The following TNS1 variants were observed in gnomAD, a reference collection of about 807,000 sequenced individuals.
The protein encoded by TNS1 is tensin 1, also known as tensin-1.
TNS1 carries 62 observed loss-of-function variants against 168.6 expected under a neutral mutation model. The observed-to-expected ratio is 0.37, with a 90% CI of 0.30 to 0.45. TNS1 has a LOEUF of 0.45. TNS1 is among the 20% of genes least tolerant of loss of function. The probability of loss-of-function intolerance (pLI) is 1.00; values close to 1 mark genes in which losing one functional copy is unlikely to be tolerated. For synonymous variants in TNS1, 934 were observed against 933.2 expected (o/e 1.00, Z -0.02); for missense variants, 2,240 against 2,339.4 (o/e 0.96, Z 0.88).
At chr2:218,003,814 T>C (rs1157226419), upstream of TNS1, among the ~76,000 whole-genome samples, 1 of 123,846 alleles carries the variant, frequency 8.1e-6, no homozygotes, top group Non-Finnish European at 1.7e-5. Flanking sequence ...CTGGGCCCAG[T>C]TCTCCCCTCC....
chr2:217,893,163 A>G (rs1951908012), intron 10 of TNS1, 151 bp from the exon 11 acceptor site: 1 of 1,065,174 alleles, frequency 9.4e-7, no homozygotes, highest in Non-Finnish European at 1.3e-6. Context: ...GCCTCAGGGG[A>G]GGGAGGCAGG....
At chr2:217,933,179 C>G (rs1473112180) in intron 3 of TNS1, among the ~76,000 whole-genome samples, 1 of 152,204 alleles carries the variant, frequency 6.6e-6, no homozygotes, top group African/African-American at 2.4e-5. Flanking sequence ...GTAATGCTTC[C>G]TTGCTCCCAG....
chr2:217,869,063 TG>T (rs1949538821), intron 18 of TNS1, among the ~76,000 whole-genome samples: 1 of 152,230 alleles, frequency 6.6e-6, no homozygotes, highest in Non-Finnish European at 1.5e-5. Context: ...GAAAAGGGAC[TG>T]ATCATTTGCC....
At chr2:217,824,376 A>G (rs561869065) in intron 22 of TNS1, among the ~76,000 whole-genome samples, 1 of 152,358 alleles carries the variant, frequency 6.6e-6, no homozygotes, top group East Asian at 1.9e-4. Flanking sequence ...CAGGACACCC[A>G]GAGCTGGCTC....
intron 18 of TNS1, among the ~76,000 whole-genome samples, chr2:217,862,106 C>T (rs975971796): frequency 2.0e-5 from 3 of 152,160 alleles, no homozygotes; most frequent in African/African-American, 7.2e-5. Flanking sequence ...CCACTTCCAC[C>T]TGCAGAGATG....
intron 9 of TNS1, 51 bp from the exon 10 acceptor site, chr2:217,893,612 A>C: frequency 6.4e-7 from 1 of 1,552,238 alleles, no homozygotes; most frequent in African/African-American, 1.4e-5. Flanking sequence ...GCAGAGCCAA[A>C]CAAGCCAGCG....
chr2:217,967,397 T>A (rs1957675425), intron 3 of TNS1, among the ~76,000 whole-genome samples: 2 of 152,060 alleles, frequency 1.3e-5, no homozygotes. Context: ...GGTAAATTCT[T>A]TGAAAAGATC....
chr2:217,928,826 C>A (rs1956168212), intron 3 of TNS1, among the ~76,000 whole-genome samples: 1 of 152,206 alleles, frequency 6.6e-6, no homozygotes. Flanking sequence ...GCCCCACTCA[C>A]TGACCCCCCA....
Position 217,813,060 on chromosome 2 carries a change from G to C in TNS1, c.4954+155C>G, listed in dbSNP as rs192242162. 1.7e-3 allele frequency among the ~76,000 whole-genome samples: 266 copies of C among 152,354 alleles called. No individual in the cohort carries two copies. Among genetic ancestry groups the C allele is most frequent in the Non-Finnish European group, 2.9e-3 (194 of 68,046 alleles). On this transcript the variant is annotated intron_variant, in intron 27 of 32. Transcript: ENST00000682258. This position sits in a 1 kb window ranked among gnomAD's most constrained non-coding sequence, Gnocchi z 4.0. ...AGAGTTAGGAGCCGCACTGCGGAGG[G>C]AGAGAAGCTTTCATTCATTTTCTCT...
chr2:217,893,635 G>A lies in TNS1; in HGVS notation c.595-74C>T, dbSNP rs532924944. On this transcript the variant is annotated intron_variant, in intron 9 of 32. Transcript: ENST00000682258. ...AAACAAGCCAGCGGGAGCCACCTAC[G>A]CCACGTGCCAGTACCTGGGCAGTGG... 4.1e-3 allele frequency: 6,305 copies of A among 1,524,344 alleles called. 55 individuals are homozygous for A. Among genetic ancestry groups the A allele is most frequent in the South Asian group, 0.022 (1,721 of 78,410 alleles). The allele number at this position is 1,524,344 out of a possible 1,614,324, so 94.4% of individuals were successfully genotyped here.
intron 4 of TNS1, among the ~76,000 whole-genome samples, chr2:217,917,926 GC>G (rs1955256881): frequency 6.6e-6 from 1 of 151,738 alleles, no homozygotes; most frequent in South Asian, 2.1e-4. Context: ...AAGTGCAAAG[GC>G]CTGGAGGCAT....
intron 2 of TNS1, among the ~76,000 whole-genome samples, chr2:217,990,507 A>G (rs1033207396): frequency 1.4e-5 from 2 of 147,496 alleles, no homozygotes; most frequent in Non-Finnish European, 3.0e-5. Flanking sequence ...ACATACCCTC[A>G]ACACACATCA....
chr2:217,808,225 C>T, intron 31 of TNS1, 118 bp from the exon 32 acceptor site: 1 of 1,200,606 alleles, frequency 8.3e-7, no homozygotes, highest in South Asian at 1.4e-5. Context: ...CCCCATTCCC[C>T]CCTCATTCCC....
chr2:217,964,677 C>T (rs1209994776), intron 3 of TNS1, among the ~76,000 whole-genome samples: 1 of 152,202 alleles, frequency 6.6e-6, no homozygotes, highest in Admixed American at 6.5e-5. Flanking sequence ...GGCTCCAGGG[C>T]TTTCCTGCTG....
intron 18 of TNS1, among the ~76,000 whole-genome samples, chr2:217,864,946 C>G (rs1167052931): frequency 1.3e-5 from 2 of 152,134 alleles, no homozygotes; most frequent in African/African-American, 4.8e-5. Flanking sequence ...CCATGTGGTT[C>G]CATGCAGAGA....
At chr2:217,957,380 T>C (rs1957391982) in intron 3 of TNS1, among the ~76,000 whole-genome samples, 1 of 152,260 alleles carries the variant, frequency 6.6e-6, no homozygotes, top group African/African-American at 2.4e-5. Context: ...GAGCCCCCTC[T>C]CCTTCCTGGG....
chr2:217,931,058 C>T (rs1034918422), intron 3 of TNS1, among the ~76,000 whole-genome samples: 27 of 152,302 alleles, frequency 1.8e-4, no homozygotes, highest in Non-Finnish European at 1.0e-4. Context: ...GAGTGCCCCT[C>T]CATGCCAGGT....
Position 217,871,816 on chromosome 2 carries a change from T to A in TNS1, c.1429+9082A>T, listed in dbSNP as rs79371804. Among the ~76,000 whole-genome samples the A allele has an allele frequency of 3.7e-3, 559 of 152,388 alleles. 7 individuals carry two copies. Among genetic ancestry groups the A allele is most frequent in the African/African-American group, 0.013 (542 of 41,600 alleles). On this transcript the variant is annotated intron_variant, in intron 18 of 32. Coordinates refer to ENST00000682258, the MANE Select transcript of TNS1 (RefSeq NM_001387777.1). ...GGGGCTGGCTGGAAGGCAGAACTCA[T>A]GGGCTTTTTCCTGTTCTACCATCCA...
chr2:217,900,096 G>A (rs1215411109), intron 7 of TNS1, among the ~76,000 whole-genome samples: 1 of 152,134 alleles, frequency 6.6e-6, no homozygotes, highest in Non-Finnish European at 1.5e-5. Context: ...ATGCTCATCA[G>A]CCCTAAACGC....
Sources: gnomAD v4.1 joint callset for allele counts (sites outside exome capture counted in the v4.1 genomes callset) on GRCh38, gnomAD v4.1.1 for gene constraint, Gnocchi (gnomAD v3.1) non-coding constraint, MANE v1.5 for transcripts, NCBI Gene and HGNC (gene_info 2026-07-23, HGNC 2026-07-21) for gene names.